Variants in RNF180 observed in about 807,000 individuals in gnomAD.
RNF180 encodes the protein ring finger protein 180, also known as E3 ubiquitin-protein ligase RNF180.
A neutral mutation model predicts 59.2 loss-of-function variants in RNF180; 38 were observed. That is an observed-to-expected ratio of 0.64 (90% CI 0.50 to 0.84). The LOEUF (loss-of-function observed/expected upper bound fraction) is 0.84. Ranked by LOEUF, RNF180 falls within the 40% of genes least tolerant of loss-of-function variation. The pLI is 0.00. For synonymous variants in RNF180, 262 were observed against 240.3 expected, an observed-to-expected ratio of 1.09 and a Z score of -0.84; for missense variants, 705 against 700.9, an observed-to-expected ratio of 1.01 and a Z score of -0.07.
At chr5:64,322,187 A>C (rs565900203) in intron 5 of RNF180, among the ~76,000 whole-genome samples, 1 of 152,360 alleles carries the variant, frequency 6.6e-6, no homozygotes, top group African/African-American at 2.4e-5. Flanking sequence ...AAGCTTCTGC[A>C]TAGCAAAAGA....
intron 5 of RNF180, among the ~76,000 whole-genome samples, chr5:64,305,302 C>T (rs1743382215): frequency 6.6e-6 from 1 of 151,344 alleles, no homozygotes; most frequent in Non-Finnish European, 1.5e-5. Context: ...TTTTATCTTT[C>T]ACTGGTTGAG....
chr5:64,352,370 T>C (rs910802758), intron 7 of RNF180, among the ~76,000 whole-genome samples: 1 of 152,106 alleles, frequency 6.6e-6, no homozygotes, highest in Non-Finnish European at 1.5e-5. Flanking sequence ...GATTCATTGA[T>C]TTTTTGAAGG....
intron 1 of RNF180, among the ~76,000 whole-genome samples, chr5:64,190,820 G>A (rs1315710048): frequency 6.6e-6 from 1 of 152,124 alleles, no homozygotes; most frequent in Non-Finnish European, 1.5e-5. Flanking sequence ...AGCCTCACCA[G>A]AAAACAACCC....
At chr5:64,197,406 A>G (rs1751509180) in intron 1 of RNF180, among the ~76,000 whole-genome samples, 1 of 152,206 alleles carries the variant, frequency 6.6e-6, no homozygotes, top group Non-Finnish European at 1.5e-5. Flanking sequence ...TCTTGGTAAT[A>G]TTAAGATGTT....
chr5:64,365,596 T>G (rs1221366815), intron 7 of RNF180, among the ~76,000 whole-genome samples: 2 of 151,730 alleles, frequency 1.3e-5, no homozygotes, highest in Non-Finnish European at 3.0e-5. Context: ...TGGCTCCCAC[T>G]ATTAGTGTGA....
At chr5:64,232,328 G>GT (rs534750063) in intron 5 of RNF180, among the ~76,000 whole-genome samples, 47 of 152,228 alleles carry the variant, frequency 3.1e-4, no homozygotes, top group East Asian at 9.7e-4. Context: ...CACTAGGGGA[G>GT]TTTTTTTACA....
chr5:64,173,963 C>A (rs879273404), intron 1 of RNF180, among the ~76,000 whole-genome samples: 4 of 152,156 alleles, frequency 2.6e-5, no homozygotes, highest in African/African-American at 2.4e-5. Flanking sequence ...ATCCACCTGC[C>A]TTGGCCTCCC....
intron 5 of RNF180, among the ~76,000 whole-genome samples, chr5:64,243,471 A>G (rs1375905273): frequency 1.3e-5 from 2 of 152,190 alleles, no homozygotes; most frequent in Non-Finnish European, 2.9e-5. Context: ...GACGCCTGGA[A>G]GTTTGAACTG....
In RNF180 at chr5:64,202,132, G is replaced by C. The variant is rs570496820; in HGVS notation, c.135+1190G>C. Among the ~76,000 whole-genome samples the C allele has an allele frequency of 4.3e-3, 657 of 152,268 alleles. 3 individuals are homozygous for C. Among genetic ancestry groups the C allele is most frequent in the Non-Finnish European group, 6.9e-3 (470 of 68,012 alleles). ...ATGAATCAGATCAAGATATGCATTTGCATCACCCCAGGAATTTTTGTCTTG... is the reference window on the plus strand; with the variant it reads ...ATGAATCAGATCAAGATATGCATTTCCATCACCCCAGGAATTTTTGTCTTG... On this transcript the variant is annotated intron_variant, in intron 2 of 7. Coordinates refer to ENST00000389100, the MANE Select transcript of RNF180 (RefSeq NM_001113561.2).
Position 64,313,669 on chromosome 5 carries a change from C to G in RNF180, c.1228-11517C>G, listed in dbSNP as rs143547477. On this transcript the variant is annotated intron_variant, in intron 5 of 7. Transcript: ENST00000389100. ...ATTTATATTCCTTTGGGTATATACT[C>G]AATAATGGGATTACTGGGTTGAATG... is the stretch of plus-strand genomic sequence containing the variant. Among the ~76,000 whole-genome samples, 515 of 152,202 alleles carry G rather than the reference C, an allele frequency of 3.4e-3. 2 individuals are homozygous for G. The highest frequency in any genetic ancestry group is 0.011 in the African/African-American group (467 of 41,538).
chr5:64,319,794 A>G (rs1580243972), intron 5 of RNF180, among the ~76,000 whole-genome samples: 1 of 152,086 alleles, frequency 6.6e-6, no homozygotes, highest in African/African-American at 2.4e-5. Flanking sequence ...GCGGCCTTTT[A>G]TTATGAAAAC....
intron 7 of RNF180, among the ~76,000 whole-genome samples, chr5:64,352,312 G>C (rs537757464): frequency 6.6e-6 from 1 of 151,642 alleles, no homozygotes; most frequent in Non-Finnish European, 1.5e-5. Context: ...TATTAGTCTT[G>C]CTAGCAGTCT....
intron 7 of RNF180, among the ~76,000 whole-genome samples, chr5:64,348,956 C>G (rs1193452378): frequency 6.6e-6 from 1 of 152,034 alleles, no homozygotes; most frequent in East Asian, 1.9e-4. Flanking sequence ...AAGCGAGGTT[C>G]ATCCAATAAG....
At chr5:64,267,076 T>C (rs1580145226) in intron 5 of RNF180, among the ~76,000 whole-genome samples, 2 of 152,190 alleles carry the variant, frequency 1.3e-5, no homozygotes, top group East Asian at 3.9e-4. Context: ...CATATTCAGC[T>C]TCTCTACCTG....
chr5:64,239,068 A>G (rs1371643667), intron 5 of RNF180, among the ~76,000 whole-genome samples: 1 of 152,106 alleles, frequency 6.6e-6, no homozygotes, highest in Non-Finnish European at 1.5e-5. Flanking sequence ...CTTTTGGAAA[A>G]TTTATCATTT....
At chr5:64,333,502 C>T (rs1745000289) in intron 7 of RNF180, among the ~76,000 whole-genome samples, 1 of 152,090 alleles carries the variant, frequency 6.6e-6, no homozygotes, top group South Asian at 2.1e-4. Flanking sequence ...ACATTTAGCC[C>T]CCAAAATATG....
At chr5:64,336,766 T>C (rs1457057507) in intron 7 of RNF180, among the ~76,000 whole-genome samples, 1 of 152,150 alleles carries the variant, frequency 6.6e-6, no homozygotes, top group Non-Finnish European at 1.5e-5. Flanking sequence ...CCCTTATTGG[T>C]TTTATAAAAT....
chr5:64,355,437 C>T (rs1745978255), intron 7 of RNF180, among the ~76,000 whole-genome samples: 1 of 151,856 alleles, frequency 6.6e-6, no homozygotes, highest in South Asian at 2.1e-4. Context: ...AAATAGACAT[C>T]CTGTGTTGAT....
chr5:64,217,451 G>A (rs1480514112), intron 5 of RNF180, 55 bp downstream of exon 5: 2 of 1,336,752 alleles, frequency 1.5e-6, no homozygotes, highest in Non-Finnish European at 1.9e-6. Context: ...CAGAATGGCT[G>A]TACCATTTTG....
Sources: gnomAD v4.1 joint callset for allele counts (sites outside exome capture counted in the v4.1 genomes callset) on GRCh38, gnomAD v4.1.1 for gene constraint, MANE v1.5 for transcripts, NCBI Gene and HGNC (gene_info 2026-07-23, HGNC 2026-07-21) for gene names.